UGP2: variants seen among roughly 807,000 people sequenced by gnomAD.
UGP2 encodes UDP-glucose pyrophosphorylase 2.
A neutral mutation model predicts 49.0 loss-of-function variants in UGP2; 40 were observed. That is an observed-to-expected ratio of 0.82 (90% CI 0.63 to 1.06). UGP2 has a LOEUF of 1.06. Among genes scored for constraint, UGP2 ranks in the 50% least tolerant of loss-of-function variants. UGP2 has a pLI of 0.00. For missense variants in UGP2, 460 were observed against 603.5 expected (o/e 0.76, Z 2.49); for synonymous variants, 225 against 213.0 (o/e 1.06, Z -0.49).
At chr2:63,864,915 A>T (rs1319073045) in intron 3 of UGP2, among the ~76,000 whole-genome samples, 1 of 152,258 alleles carries the variant, frequency 6.6e-6, no homozygotes, top group Non-Finnish European at 1.5e-5. Flanking sequence ...TCAAGGGCCT[A>T]ATACTAACAG....
At chr2:63,874,580 T>C (rs1258011621) in intron 3 of UGP2, among the ~76,000 whole-genome samples, 1 of 152,146 alleles carries the variant, frequency 6.6e-6, no homozygotes, top group Non-Finnish European at 1.5e-5. Context: ...CTTCAAGGTT[T>C]AGGGACTGGT....
At chr2:63,874,456 A>T (rs948945922) in intron 3 of UGP2, among the ~76,000 whole-genome samples, 1 of 152,138 alleles carries the variant, frequency 6.6e-6, no homozygotes, top group African/African-American at 2.4e-5. Flanking sequence ...GACAGGAGTA[A>T]TTGAAGCTGA....
chr2:63,859,943 T>G lies in UGP2; in HGVS notation c.255+2007T>G, dbSNP rs140341710. ...TATACGATATGCATGTTACCAGCTT[T>G]TGCAGATAGTTCTGAGAATACAAAT... is the stretch of plus-strand genomic sequence containing the variant. On this transcript the variant is annotated intron_variant, in intron 3 of 9. Transcript: ENST00000337130. 1.1e-4 allele frequency among the ~76,000 whole-genome samples: 16 copies of G among 152,346 alleles called. No homozygotes were observed. The East Asian group carries it at 2.7e-3, about 26-fold the overall frequency.
chr2:63,866,110 A>T (rs890622174), intron 3 of UGP2, among the ~76,000 whole-genome samples: 1 of 152,232 alleles, frequency 6.6e-6, no homozygotes, highest in African/African-American at 2.4e-5. Flanking sequence ...AAATTTCATA[A>T]ATCTAGAATG....
intron 1 of UGP2, 60 bp downstream of exon 1, chr2:63,842,264 G>T: frequency 6.2e-7 from 1 of 1,609,122 alleles, no homozygotes; most frequent in Non-Finnish European, 8.5e-7. Context: ...TACTGACAGT[G>T]GAGAGGTTGG....
chr2:63,853,435 A>G (rs1427809614), intron 1 of UGP2, among the ~76,000 whole-genome samples: 1 of 152,012 alleles, frequency 6.6e-6, no homozygotes, highest in African/African-American at 2.4e-5. Flanking sequence ...TTCTATGGTT[A>G]TTTGGATCAC....
chr2:63,864,593 A>G (rs925276548), intron 3 of UGP2, among the ~76,000 whole-genome samples: 2 of 152,148 alleles, frequency 1.3e-5, no homozygotes, highest in African/African-American at 2.4e-5. Flanking sequence ...TATCCACACA[A>G]TTTTCCTTAG....
chr2:63,878,506 G>A (rs1404818370), intron 3 of UGP2, among the ~76,000 whole-genome samples: 1 of 152,184 alleles, frequency 6.6e-6, no homozygotes, highest in Non-Finnish European at 1.5e-5. Context: ...AAGAAAAGCA[G>A]CACATTTAAT....
chr2:63,883,941 T>C lies in UGP2; in HGVS notation c.442-19T>C. 1 of 1,590,814 alleles carries C rather than the reference T, an allele frequency of 6.3e-7. No homozygotes were observed. Among genetic ancestry groups the C allele is most frequent in the Non-Finnish European group, 8.5e-7 (1 of 1,172,002 alleles). On this transcript the variant is annotated intron_variant, in intron 4 of 9. Transcript: ENST00000337130. ...AGAAAAGTGAGTCTGGGTAATCTAA[T>C]TGTCATTTTCCTCCCTAGCATTTGA...
intron 3 of UGP2, among the ~76,000 whole-genome samples, chr2:63,862,198 A>G (rs1669896390): frequency 6.6e-6 from 1 of 152,156 alleles, no homozygotes; most frequent in African/African-American, 2.4e-5. Context: ...ATACACACAC[A>G]AATGAGATTC....
At chr2:63,867,461 C>T (rs1270096111) in intron 3 of UGP2, among the ~76,000 whole-genome samples, 6 of 152,106 alleles carry the variant, frequency 3.9e-5, no homozygotes, top group East Asian at 3.9e-4. Context: ...TTCATAAAAG[C>T]ATTTACTGTG....
chr2:63,888,641 A>C (rs1671854278), intron 8 of UGP2: 1 of 152,246 alleles, frequency 6.6e-6, no homozygotes, highest in Non-Finnish European at 1.5e-5. Flanking sequence ...CCACACTCAT[A>C]CTGGGACCAT....
chr2:63,861,570 C>T (rs1272929517), intron 3 of UGP2, among the ~76,000 whole-genome samples: 3 of 150,444 alleles, frequency 2.0e-5, no homozygotes, highest in African/African-American at 7.4e-5. Flanking sequence ...TACCTGTAGT[C>T]CCAGCTACTT....
intron 5 of UGP2, among the ~76,000 whole-genome samples, chr2:63,884,489 A>C (rs2104356876): frequency 6.6e-6 from 1 of 152,220 alleles, no homozygotes; most frequent in Admixed American, 6.5e-5. Context: ...TAAATTCTGG[A>C]GGAAATCTTT....
chr2:63,845,521 A>T (rs1671867044), intron 1 of UGP2, among the ~76,000 whole-genome samples: 1 of 102,772 alleles, frequency 9.7e-6, no homozygotes, highest in Non-Finnish European at 2.4e-5. Context: ...TATTATGTTA[A>T]AAAAAAAAAA....
chr2:63,844,332 T>G (rs1419972532), intron 1 of UGP2, among the ~76,000 whole-genome samples: 3 of 152,222 alleles, frequency 2.0e-5, no homozygotes, highest in Admixed American at 2.0e-4. Flanking sequence ...CAAATCAAAT[T>G]CTTTGATCTT....
Position 63,860,135 on chromosome 2 carries a change from T to A in UGP2, c.255+2199T>A, listed in dbSNP as rs527400598. 1.9e-4 allele frequency among the ~76,000 whole-genome samples: 29 copies of A among 152,130 alleles called. No individual in the cohort carries two copies. In the East Asian group the frequency reaches 2.5e-3, roughly 13 times the overall value. On this transcript the variant is annotated intron_variant, in intron 3 of 9. Transcript: ENST00000337130. ...TTTAAAAGTGAACATAGGTCTTTTTTTAAAAAAAATGCAAATAATATTTTA... is the reference window on the plus strand; with the variant it reads ...TTTAAAAGTGAACATAGGTCTTTTTATAAAAAAAATGCAAATAATATTTTA...
In UGP2 at chr2:63,857,928, G is replaced by A; in HGVS notation, c.247G>A (p.Glu83Lys). The A allele has an allele frequency of 6.2e-7, 1 of 1,613,376 alleles. No individual in the cohort carries two copies. Among genetic ancestry groups the A allele is most frequent in the Non-Finnish European group, 8.5e-7 (1 of 1,179,732 alleles). Residue 83 changes from glutamate (E) to lysine (K), a missense_variant, in exon 3 of 10, where the codon GAA (glutamate) becomes AAA (lysine). Glu to Lys is a moderately conservative substitution (Grantham distance 56, BLOSUM62 1). This residue lies in a region of UGP2 where 143 missense variants were observed against 130.4 expected (regional missense o/e 1.10). Coordinates refer to ENST00000337130, the MANE Select transcript of UGP2 (RefSeq NM_006759.4). ...TTGGGGAAAAATCCAGAGACCCCCT[G>A]AAGATTCGGTAAGTTTTAGATAAAA... Reference protein sequence around the residue: ...VDWGKIQRPPEDSIQPYEKIK... With the variant: ...VDWGKIQRPPKDSIQPYEKIK...
chr2:63,868,036 A>G (rs1310621301), intron 3 of UGP2, among the ~76,000 whole-genome samples: 1 of 152,242 alleles, frequency 6.6e-6, no homozygotes, highest in Admixed American at 6.5e-5. Context: ...ACATACTGAA[A>G]GCCCTAGGTT....
Sources: gnomAD v4.1 joint callset for allele counts (sites outside exome capture counted in the v4.1 genomes callset) on GRCh38, gnomAD v4.1.1 for gene constraint, gnomAD v4.1.1 regional missense constraint, MANE v1.5 for transcripts, NCBI Gene and HGNC (gene_info 2026-07-23, HGNC 2026-07-21) for gene names.